The following DYSF variants were observed in gnomAD, a reference collection of about 807,000 sequenced individuals.
DYSF encodes the protein dysferlin.
In DYSF, 212 loss-of-function variants were observed where a neutral mutation model predicts 274.9. The ratio of observed to expected loss-of-function variants is 0.77; its 90% CI spans 0.69 to 0.86. The LOEUF is 0.86. DYSF is among the 40% of genes least tolerant of loss of function. The probability of loss-of-function intolerance (pLI) is 0.00; values close to 1 mark genes in which losing one functional copy is unlikely to be tolerated. For synonymous variants in DYSF, 1,091 were observed against 1,078.7 expected (o/e 1.01, Z -0.22); for missense variants, 2,666 against 2,783.2 (o/e 0.96, Z 0.95).
intron 53 of DYSF, among the ~76,000 whole-genome samples, chr2:71,679,879 C>A (rs2095274849): frequency 6.6e-6 from 1 of 151,970 alleles, no homozygotes; most frequent in African/African-American, 2.4e-5. Context: ...TTACCAATGT[C>A]TGCAAAGCAT....
Position 71,665,193 on chromosome 2 carries a change from C to T in DYSF, c.5206C>T (p.Arg1736Cys), listed in dbSNP as rs758206608. 1.2e-5 allele frequency: 19 copies of T among 1,613,712 alleles called. No homozygotes were observed. The highest frequency in any genetic ancestry group is 8.9e-5 in the East Asian group (4 of 44,886). The change falls in exon 47 of 56, where the codon CGC becomes TGC. Residue 1736 changes from arginine to cysteine, a missense_variant. By Grantham distance (180) the Arg-to-Cys change is radical. Around this residue, in one of 3 missense-constraint regions of DYSF, gnomAD observed 1,460 missense variants for 1,502.1 expected, o/e 0.97. Coordinates refer to ENST00000410020, the MANE Select transcript of DYSF (RefSeq NM_001130987.2). Reference protein sequence around the residue: ...SGPNQWRDQLRPSQLLHLFCQ... With the variant: ...SGPNQWRDQLCPSQLLHLFCQ... ...ACCGAACCAGTGGCGGGACCAGCTC[C>T]GCCCCTCCCAGCTCCTCCACCTCTT...
intron 20 of DYSF, 60 bp from the exon 21 acceptor site, chr2:71,553,747 A>AGCG: frequency 2.3e-6 from 2 of 872,678 alleles, no homozygotes; most frequent in Non-Finnish European, 3.5e-6. Flanking sequence ...CACTCTTAGC[A>AGCG]CCCCATCCCA....
intron 44 of DYSF, 46 bp downstream of exon 44, chr2:71,659,079 G>A (rs752599352): frequency 5.0e-6 from 8 of 1,613,332 alleles, no homozygotes; most frequent in East Asian, 2.2e-5. Flanking sequence ...GCAGGCTCAG[G>A]TACAAGTGGC....
intron 41 of DYSF, among the ~76,000 whole-genome samples, chr2:71,633,103 A>G (rs939271207): frequency 6.6e-6 from 1 of 152,240 alleles, no homozygotes; most frequent in Non-Finnish European, 1.5e-5. Flanking sequence ...TTGAAAGCCC[A>G]GTGTTCCACT....
chr2:71,487,141 C>A (rs558210733), intron 3 of DYSF, among the ~76,000 whole-genome samples: 1 of 152,220 alleles, frequency 6.6e-6, no homozygotes, highest in Non-Finnish European at 1.5e-5. Context: ...TAGACCAGCA[C>A]TGCCCACTAG....
chr2:71,684,373 T>C (rs1238157168), intron 55 of DYSF, among the ~76,000 whole-genome samples: 1 of 152,192 alleles, frequency 6.6e-6, no homozygotes, highest in Admixed American at 6.5e-5. Flanking sequence ...CTTCCCAGCC[T>C]GCCTCAAGCT....
In DYSF at chr2:71,570,282, G is replaced by A; in HGVS notation, c.3033G>A (p.Lys1011=). The change falls in exon 28 of 56, where the codon AAG becomes AAA. Residue 1011 remains lysine (K), a synonymous_variant. Coordinates refer to ENST00000410020, the MANE Select transcript of DYSF (RefSeq NM_001130987.2). ...KDDIECPLGW[K]WEDEEWSTDL... ...ACATTGAGTGCCCACTGGGCTGGAA[G>A]TGGGAAGATGAGGAATGGTCCACAG... 1.9e-6 allele frequency: 3 copies of A among 1,614,180 alleles called. No individual in the cohort carries two copies. The highest frequency in any genetic ancestry group is 1.7e-5 in the Admixed American group (1 of 60,026).
At chr2:71,516,387 T>C in intron 9 of DYSF, 145 bp downstream of exon 9, 1 of 798,754 alleles carries the variant, frequency 1.3e-6, no homozygotes, top group African/African-American at 1.7e-5. Context: ...TCGGTGTGTA[T>C]GTGAGTATGT....
intron 7 of DYSF, among the ~76,000 whole-genome samples, chr2:71,514,952 T>C (rs1290857221): frequency 6.6e-6 from 1 of 150,546 alleles, no homozygotes; most frequent in Admixed American, 6.6e-5. Context: ...GAATATATCC[T>C]CCCATATTAT....
intron 16 of DYSF, among the ~76,000 whole-genome samples, chr2:71,538,928 G>A (rs1287652254): frequency 6.6e-6 from 1 of 152,170 alleles, no homozygotes; most frequent in Non-Finnish European, 1.5e-5. Flanking sequence ...GCTGGTGGTT[G>A]GCGAGATGAA....
At chr2:71,575,985 T>A (rs2092686856) in intron 30 of DYSF, among the ~76,000 whole-genome samples, 1 of 152,176 alleles carries the variant, frequency 6.6e-6, no homozygotes, top group African/African-American at 2.4e-5. Context: ...TCCTGCTAGA[T>A]AAAGTAGCCC....
intron 44 of DYSF, among the ~76,000 whole-genome samples, chr2:71,659,373 G>T (rs1454276350): frequency 6.6e-6 from 1 of 152,168 alleles, no homozygotes; most frequent in Non-Finnish European, 1.5e-5. Flanking sequence ...AAAGAAAATT[G>T]CTTAATGTGT....
At chr2:71,589,017 A>G (rs1558550080) in intron 30 of DYSF, among the ~76,000 whole-genome samples, 1 of 152,314 alleles carries the variant, frequency 6.6e-6, no homozygotes, top group South Asian at 2.1e-4. Flanking sequence ...CTTTATACAC[A>G]GTAAACAGAC....
At chr2:71,591,393 C>G (rs2093260780) in intron 32 of DYSF, among the ~76,000 whole-genome samples, 1 of 152,220 alleles carries the variant, frequency 6.6e-6, no homozygotes, top group South Asian at 2.1e-4. Flanking sequence ...CTGCTCTGAC[C>G]ATGAGCTCCC....
chr2:71,666,578 T>G (rs2095015191), intron 47 of DYSF, among the ~76,000 whole-genome samples: 1 of 152,230 alleles, frequency 6.6e-6, no homozygotes. Context: ...AAGTTCATGT[T>G]GTTGGATGGT....
In DYSF at chr2:71,562,069, G is replaced by C. The variant is rs936605571; in HGVS notation, c.2409+125G>C. On this transcript the variant is annotated intron_variant, in intron 23 of 55. Transcript: ENST00000410020. ...CGGTTCCATTGCTGGGTGACCTTGG[G>C]CAGGTGACTTAACCTCTCTGAACCT... 3.0e-6 allele frequency: 4 copies of C among 1,352,162 alleles called. No individual in the cohort carries two copies. In the African/African-American group the frequency reaches 5.8e-5, roughly 20 times the overall value. The allele number at this position is 1,352,162 out of a possible 1,614,324, so 83.8% of individuals were successfully genotyped here. A position where few individuals can be genotyped will look rare whatever the true frequency, so the allele number is the denominator to read the frequency against.
At chr2:71,617,768 G>A (rs1345256905) in intron 40 of DYSF, among the ~76,000 whole-genome samples, 5 of 121,384 alleles carry the variant, frequency 4.1e-5, no homozygotes, top group Non-Finnish European at 8.7e-5. Flanking sequence ...GGTGGTGTGT[G>A]TGGTAGAGGT....
At chr2:71,478,274 C>T (rs531441585) in intron 1 of DYSF, among the ~76,000 whole-genome samples, 2 of 149,752 alleles carry the variant, frequency 1.3e-5, no homozygotes, top group Non-Finnish European at 1.5e-5. Flanking sequence ...TGCAGTGGTG[C>T]CATCTCGGCT....
intron 30 of DYSF, among the ~76,000 whole-genome samples, chr2:71,584,568 C>T (rs1467378064): frequency 6.6e-6 from 1 of 152,226 alleles, no homozygotes; most frequent in Non-Finnish European, 1.5e-5. Flanking sequence ...GTCCTTTGCC[C>T]TGGGACCTTA....
Sources: allele counts gnomAD v4.1 joint callset (sites outside exome capture counted in the v4.1 genomes callset), GRCh38; gene constraint gnomAD v4.1.1; regional missense constraint gnomAD v4.1.1; transcripts MANE v1.5; gene names NCBI Gene and HGNC (gene_info 2026-07-23, HGNC 2026-07-21).